The following CPA6 variants were observed in gnomAD, a reference collection of about 807,000 sequenced individuals.
The protein encoded by CPA6 is carboxypeptidase A6.
Under a neutral mutation model 63.3 loss-of-function variants are expected in CPA6, and 58 were observed. The ratio of observed to expected loss-of-function variants is 0.92; its 90% CI spans 0.74 to 1.14. The LOEUF is 1.14. Among genes scored for constraint, CPA6 ranks in the 50% most tolerant of loss-of-function variants. CPA6 has a pLI of 0.00. For synonymous variants in CPA6, 185 were observed against 179.0 expected, an observed-to-expected ratio of 1.03 and a Z score of -0.27; for missense variants, 565 against 526.6, an observed-to-expected ratio of 1.07 and a Z score of -0.71.
intron 2 of CPA6, among the ~76,000 whole-genome samples, chr8:67,542,194 GC>G (rs1211369832): frequency 2.0e-5 from 3 of 152,230 alleles, no homozygotes; most frequent in Non-Finnish European, 4.4e-5. Context: ...CCACTAGGCA[GC>G]TCTGCAGTCA....
chr8:67,625,448 G>T (rs933131620), intron 1 of CPA6, among the ~76,000 whole-genome samples: 2 of 152,204 alleles, frequency 1.3e-5, no homozygotes, highest in African/African-American at 4.8e-5. Context: ...TGGGGGCCTT[G>T]TCTCCCAGGT....
At chr8:67,683,468 A>G (rs1339160608) in intron 1 of CPA6, among the ~76,000 whole-genome samples, 2 of 152,066 alleles carry the variant, frequency 1.3e-5, no homozygotes, top group Non-Finnish European at 2.9e-5. Context: ...GCTTTCTTCA[A>G]AACCAGTGAA....
At chr8:67,599,206 G>C (rs1265171706) in intron 2 of CPA6, among the ~76,000 whole-genome samples, 2 of 152,154 alleles carry the variant, frequency 1.3e-5, no homozygotes, top group Admixed American at 6.5e-5. Context: ...CCAAAGCAAA[G>C]AGCTAGTAGT....
chr8:67,539,561 A>C (rs572441025), intron 2 of CPA6, among the ~76,000 whole-genome samples: 1 of 152,176 alleles, frequency 6.6e-6, no homozygotes, highest in African/African-American at 2.4e-5. Context: ...AGGTTGGGGA[A>C]GTTCTCCTGG....
intron 2 of CPA6, among the ~76,000 whole-genome samples, chr8:67,614,593 A>C (rs1239097124): frequency 6.6e-6 from 1 of 152,226 alleles, no homozygotes; most frequent in East Asian, 1.9e-4. Flanking sequence ...TTAAGTCATT[A>C]ACGTATCATT....
At chr8:67,568,299 A>G (rs1036627001) in intron 2 of CPA6, among the ~76,000 whole-genome samples, 4 of 152,212 alleles carry the variant, frequency 2.6e-5, no homozygotes, top group Non-Finnish European at 4.4e-5. Flanking sequence ...ACAATGAGAA[A>G]GCTCCAGCAA....
chr8:67,572,297 C>T (rs372745583), intron 2 of CPA6, among the ~76,000 whole-genome samples: 7 of 152,128 alleles, frequency 4.6e-5, no homozygotes, highest in Admixed American at 2.0e-4. Context: ...ATGGCAGGTG[C>T]TGGGGTTATG....
chr8:67,439,606 GAA>G (rs1251799787), intron 8 of CPA6, among the ~76,000 whole-genome samples: 1 of 148,880 alleles, frequency 6.7e-6, no homozygotes, highest in Non-Finnish European at 1.5e-5. Flanking sequence ...AAAAAAGAAA[GAA>G]AAAGAAAAAG....
In CPA6 at chr8:67,624,112, C is replaced by A. The variant is rs942288039; in HGVS notation, c.192+64G>T. ...TAAATTCCAATTATTCAACTCCAGT[C>A]AGCAAATCCCTGTAAACACTCCACA... On this transcript the variant is annotated intron_variant, in intron 2 of 10. Transcript: ENST00000297770. The A allele has an allele frequency of 7.2e-6, 7 of 966,858 alleles. No individual in the cohort carries two copies. The African/African-American group carries it at 1.1e-4, about 16-fold the overall frequency. The allele number at this position is 966,858 out of a possible 1,614,324, so 59.9% of individuals were successfully genotyped here.
intron 1 of CPA6, among the ~76,000 whole-genome samples, chr8:67,636,157 G>C (rs147358524): frequency 2.0e-5 from 3 of 151,536 alleles, no homozygotes; most frequent in Non-Finnish European, 4.4e-5. Flanking sequence ...GGGGTGGAAG[G>C]ATTCTCTCTC....
intron 8 of CPA6, among the ~76,000 whole-genome samples, chr8:67,451,602 C>G (rs1306432433): frequency 6.6e-6 from 1 of 152,232 alleles, no homozygotes; most frequent in Non-Finnish European, 1.5e-5. Flanking sequence ...CCTCCCCACT[C>G]TCCAGTCTGT....
chr8:67,737,703 A>G (rs1266648728), intron 1 of CPA6, among the ~76,000 whole-genome samples: 1 of 152,234 alleles, frequency 6.6e-6, no homozygotes, highest in African/African-American at 2.4e-5. Flanking sequence ...GCAAATATTT[A>G]TAGACATGAA....
intron 1 of CPA6, among the ~76,000 whole-genome samples, chr8:67,660,812 G>A (rs749414317): frequency 3.3e-5 from 5 of 152,084 alleles, no homozygotes; most frequent in Non-Finnish European, 7.4e-5. Flanking sequence ...GGAAAGGACA[G>A]GTTTATTTTG....
intron 8 of CPA6, among the ~76,000 whole-genome samples, chr8:67,437,188 G>A (rs887742076): frequency 7.9e-5 from 12 of 152,220 alleles, no homozygotes; most frequent in African/African-American, 2.4e-4. Flanking sequence ...GAGGTCAGGA[G>A]ATCGAGACCA....
At chr8:67,641,482 A>T (rs1815591149) in intron 1 of CPA6, among the ~76,000 whole-genome samples, 1 of 152,262 alleles carries the variant, frequency 6.6e-6, no homozygotes, top group African/African-American at 2.4e-5. Context: ...AGCAGATTAG[A>T]TGTACCCAGA....
At chr8:67,636,261 TGAGTA>T (rs1231685138) in intron 1 of CPA6, among the ~76,000 whole-genome samples, 2 of 151,692 alleles carry the variant, frequency 1.3e-5, no homozygotes, top group Non-Finnish European at 2.9e-5. Flanking sequence ...TGTGGACTCT[TGAGTA>T]GAGAGACAAA....
chr8:67,697,207 C>A (rs372505116), intron 1 of CPA6, among the ~76,000 whole-genome samples: 6 of 152,370 alleles, frequency 3.9e-5, no homozygotes, highest in Non-Finnish European at 8.8e-5. Context: ...GCAGTGGCAG[C>A]TCCCAGGGAT....
At chr8:67,745,981 A>G (rs895364237) in intron 1 of CPA6, 33 bp downstream of exon 1, 1 of 1,527,194 alleles carries the variant, frequency 6.5e-7, no homozygotes, top group African/African-American at 1.4e-5. Flanking sequence ...TCCAAATCAA[A>G]GCTGTGTAGG....
chr8:67,594,044 G>A (rs978048630), intron 2 of CPA6, among the ~76,000 whole-genome samples: 5 of 151,498 alleles, frequency 3.3e-5, no homozygotes, highest in Non-Finnish European at 7.4e-5. Context: ...TCCATGTTTA[G>A]TGCTTCCTTC....
Sources: gnomAD v4.1 joint callset for allele counts (sites outside exome capture counted in the v4.1 genomes callset) on GRCh38, gnomAD v4.1.1 for gene constraint, MANE v1.5 for transcripts, NCBI Gene and HGNC (gene_info 2026-07-23, HGNC 2026-07-21) for gene names.